MDGA2: variants seen among roughly 807,000 people sequenced by gnomAD.
MDGA2 encodes MAM domain-containing glycosylphosphatidylinositol anchor protein 2.
A neutral mutation model predicts 117.8 loss-of-function variants in MDGA2; 40 were observed. The observed-to-expected ratio is 0.34, with a 90% CI of 0.26 to 0.44. MDGA2 has a LOEUF of 0.44. MDGA2 is among the 20% of genes least tolerant of loss of function. The pLI, the probability that MDGA2 is intolerant of heterozygous loss-of-function variation, is 1.00. For synonymous variants in MDGA2, 452 were observed against 439.0 expected (o/e 1.03, Z -0.37); for missense variants, 1,123 against 1,250.6 (o/e 0.90, Z 1.54).
intron 3 of MDGA2, among the ~76,000 whole-genome samples, chr14:47,190,806 A>C (rs374776591): frequency 6.6e-6 from 1 of 152,170 alleles, no homozygotes; most frequent in Non-Finnish European, 1.5e-5. Context: ...TTTCATATTC[A>C]TAGTTGAATA....
chr14:47,147,210 CAT>C (rs1882977044), intron 3 of MDGA2, among the ~76,000 whole-genome samples: 1 of 150,662 alleles, frequency 6.6e-6, no homozygotes, highest in Non-Finnish European at 1.5e-5. Flanking sequence ...TTTATACACA[CAT>C]ATCACTTAAA....
At chr14:47,581,166 C>T (rs576356062) in intron 1 of MDGA2, among the ~76,000 whole-genome samples, 24 of 152,074 alleles carry the variant, frequency 1.6e-4, no homozygotes, top group Non-Finnish European at 2.6e-4. Flanking sequence ...AATTCTCTCT[C>T]CAACCTCTCC....
At chr14:47,332,234 T>A (rs12885665) in intron 1 of MDGA2, among the ~76,000 whole-genome samples, 18,903 of 152,056 alleles carry the variant, frequency 0.12, 1,273 homozygotes, top group African/African-American at 0.18. Flanking sequence ...CAGTCATTTA[T>A]GAAGTTTCCC....
chr14:47,074,006 T>A (rs1274067407), intron 6 of MDGA2, among the ~76,000 whole-genome samples: 1 of 152,166 alleles, frequency 6.6e-6, no homozygotes, highest in Non-Finnish European at 1.5e-5. Flanking sequence ...TCACACATCA[T>A]CAATTTTCTC....
At chr14:47,046,088 G>A (rs1273727400) in intron 7 of MDGA2, among the ~76,000 whole-genome samples, 2 of 151,332 alleles carry the variant, frequency 1.3e-5, no homozygotes, top group Non-Finnish European at 2.9e-5. Context: ...CACCAACATG[G>A]CACATGTATA....
chr14:47,030,708 A>G (rs912623880), intron 8 of MDGA2, among the ~76,000 whole-genome samples: 5 of 152,200 alleles, frequency 3.3e-5, no homozygotes, highest in Admixed American at 6.5e-5. Flanking sequence ...AAAAATGGGA[A>G]TAAATTAAAC....
rs147692856 is a variant in MDGA2, at chr14:46,905,687, C to T, written c.2238+14325G>A. Reference sequence around the variant, plus strand: ...GAGCATCAATATGACTGATGATCTACGTGACAGAAAAAAATGAAATATTCA... The same window carrying T: ...GAGCATCAATATGACTGATGATCTATGTGACAGAAAAAAATGAAATATTCA... On this transcript the variant is annotated intron_variant, in intron 10 of 16. Coordinates refer to ENST00000399232, the MANE Select transcript of MDGA2 (RefSeq NM_001113498.3). Among the ~76,000 whole-genome samples the T allele has an allele frequency of 5.8e-4, 88 of 151,864 alleles. 1 individual carries two copies. The highest frequency in any genetic ancestry group is 1.6e-3 in the African/African-American group (66 of 41,438).
At chr14:46,931,300 C>T (rs1884565783) in intron 9 of MDGA2, among the ~76,000 whole-genome samples, 1 of 149,904 alleles carries the variant, frequency 6.7e-6, no homozygotes, top group Non-Finnish European at 1.5e-5. Flanking sequence ...AATTCAGGTA[C>T]TTACTTCTTA....
intron 10 of MDGA2, among the ~76,000 whole-genome samples, chr14:46,893,135 G>A (rs187278629): frequency 1.3e-5 from 2 of 151,884 alleles, no homozygotes. Flanking sequence ...TAAAGAAACT[G>A]CAAATTACAC....
At chr14:47,071,478 A>C (rs1890278698) in intron 6 of MDGA2, among the ~76,000 whole-genome samples, 1 of 152,148 alleles carries the variant, frequency 6.6e-6, no homozygotes, top group African/African-American at 2.4e-5. Flanking sequence ...TTCCTTTTTG[A>C]AAAAGTATAC....
intron 15 of MDGA2, among the ~76,000 whole-genome samples, chr14:46,854,531 T>C (rs532576273): frequency 6.6e-6 from 1 of 151,790 alleles, no homozygotes; most frequent in East Asian, 1.9e-4. Context: ...CTTTTCTATA[T>C]AGAAACAAAG....
chr14:47,542,693 A>T (rs1594908569), intron 1 of MDGA2, among the ~76,000 whole-genome samples: 1 of 152,250 alleles, frequency 6.6e-6, no homozygotes, highest in Non-Finnish European at 1.5e-5. Context: ...ATGTACCTAC[A>T]AGTCAACTGG....
intron 1 of MDGA2, among the ~76,000 whole-genome samples, chr14:47,578,537 C>A (rs942891201): frequency 6.6e-6 from 1 of 152,030 alleles, no homozygotes; most frequent in African/African-American, 2.4e-5. Context: ...AAATTCAGTT[C>A]CCCAGCCAAG....
chr14:47,527,056 A>T (rs1894986989), intron 1 of MDGA2, among the ~76,000 whole-genome samples: 1 of 152,200 alleles, frequency 6.6e-6, no homozygotes, highest in South Asian at 2.1e-4. Flanking sequence ...CACCATACTG[A>T]ACAACCTACA....
chr14:47,013,997 G>A, intron 8 of MDGA2, among the ~76,000 whole-genome samples: 1 of 151,554 alleles, frequency 6.6e-6, no homozygotes, highest in Non-Finnish European at 1.5e-5. Flanking sequence ...GTTTCACCAT[G>A]TTGGCCAGGC....
chr14:47,474,586 T>C (rs1046848563), intron 1 of MDGA2, among the ~76,000 whole-genome samples: 8 of 152,112 alleles, frequency 5.3e-5, no homozygotes, highest in Admixed American at 5.2e-4. Flanking sequence ...CTTTGAACTA[T>C]ACTACAATGC....
At chr14:46,905,219 C>A (rs1883442391) in intron 10 of MDGA2, among the ~76,000 whole-genome samples, 1 of 152,094 alleles carries the variant, frequency 6.6e-6, no homozygotes. Flanking sequence ...GAGGTGTGGA[C>A]AGAAAGTATT....
intron 13 of MDGA2, 126 bp from the exon 14 acceptor site, chr14:46,873,717 A>T (rs953401208): frequency 1.2e-6 from 1 of 862,024 alleles, no homozygotes; most frequent in African/African-American, 1.7e-5. Context: ...CATCTCATTT[A>T]TAAAATCTCT....
intron 1 of MDGA2, among the ~76,000 whole-genome samples, chr14:47,519,334 T>C (rs1894821062): frequency 6.6e-6 from 1 of 152,206 alleles, no homozygotes; most frequent in Admixed American, 6.5e-5. Context: ...CTGATTGTTA[T>C]TTGTTTCTCC....
Sources: allele counts gnomAD v4.1 joint callset (sites outside exome capture counted in the v4.1 genomes callset), GRCh38; gene constraint gnomAD v4.1.1; transcripts MANE v1.5; gene names NCBI Gene and HGNC (gene_info 2026-07-23, HGNC 2026-07-21).